Variants in FHIT observed in about 807,000 individuals in gnomAD.
The protein encoded by FHIT is bis(5'-adenosyl)-triphosphatase.
FHIT carries 19 observed loss-of-function variants against 17.9 expected under a neutral mutation model. The observed-to-expected ratio is 1.06, with a 90% CI of 0.74 to 1.56. The LOEUF is 1.56. Ranked by LOEUF, FHIT falls within the 40% of genes most tolerant of loss-of-function variation. The pLI, the probability that FHIT is intolerant of heterozygous loss-of-function variation, is 0.00. For synonymous variants in FHIT, 81 were observed against 69.7 expected, an observed-to-expected ratio of 1.16 and a Z score of -0.81; for missense variants, 248 against 189.2, an observed-to-expected ratio of 1.31 and a Z score of -1.82.
At chr3:61,110,332 T>G (rs1035310407) in intron 2 of FHIT, among the ~76,000 whole-genome samples, 1 of 152,152 alleles carries the variant, frequency 6.6e-6, no homozygotes, top group African/African-American at 2.4e-5. Flanking sequence ...TACTCCAAGG[T>G]GCCATATGGC....
At chr3:60,225,557 A>G (rs530466965) in intron 5 of FHIT, among the ~76,000 whole-genome samples, 4 of 152,324 alleles carry the variant, frequency 2.6e-5, no homozygotes, top group African/African-American at 7.2e-5. Flanking sequence ...GGCAGATACA[A>G]GACAGTCTGC....
intron 5 of FHIT, among the ~76,000 whole-genome samples, chr3:60,276,131 A>G (rs967802214): frequency 6.6e-6 from 1 of 151,622 alleles, no homozygotes; most frequent in Non-Finnish European, 1.5e-5. Flanking sequence ...GGGACTATAG[A>G]TACCCGCCAC....
intron 5 of FHIT, among the ~76,000 whole-genome samples, chr3:60,392,825 T>G (rs539320831): frequency 6.6e-6 from 1 of 152,254 alleles, no homozygotes; most frequent in South Asian, 2.1e-4. Context: ...TGGTCACAAG[T>G]AAAAGTCATG....
At chr3:59,818,577 T>C (rs1700685218) in intron 8 of FHIT, among the ~76,000 whole-genome samples, 1 of 152,202 alleles carries the variant, frequency 6.6e-6, no homozygotes, top group Non-Finnish European at 1.5e-5. Context: ...GGGGGACTTG[T>C]TTACCATTCC....
chr3:59,963,250 G>C (rs1019958660), intron 7 of FHIT, among the ~76,000 whole-genome samples: 8 of 151,898 alleles, frequency 5.3e-5, no homozygotes, highest in African/African-American at 1.7e-4. Context: ...CTGGGTGACA[G>C]AGCGAGACTC....
intron 8 of FHIT, among the ~76,000 whole-genome samples, chr3:59,780,977 A>G (rs1034188876): frequency 5.3e-5 from 8 of 152,330 alleles, no homozygotes; most frequent in African/African-American, 1.9e-4. Context: ...ATGATATAAT[A>G]TAAATATAAT....
intron 3 of FHIT, among the ~76,000 whole-genome samples, chr3:60,837,800 G>T (rs1185531286): frequency 6.6e-6 from 1 of 151,860 alleles, no homozygotes; most frequent in Non-Finnish European, 1.5e-5. Context: ...GGTTTCTCTA[G>T]GTATTACTTT....
chr3:60,389,666 T>C (rs1701146440), intron 5 of FHIT, among the ~76,000 whole-genome samples: 1 of 152,326 alleles, frequency 6.6e-6, no homozygotes. Context: ...ATAAGTGTTA[T>C]ATTTATGTGC....
chr3:60,617,123 G>A (rs987939871), intron 4 of FHIT: 8 of 218,976 alleles, frequency 3.7e-5, no homozygotes, highest in Non-Finnish European at 6.9e-5. Flanking sequence ...ATGTTTCTTC[G>A]TTCCAAAGGA....
intron 5 of FHIT, among the ~76,000 whole-genome samples, chr3:60,276,630 T>C (rs1707150420): frequency 6.6e-6 from 1 of 152,224 alleles, no homozygotes; most frequent in African/African-American, 2.4e-5. Context: ...TTTGCATTAC[T>C]CTAAAGGAAT....
At chr3:60,101,934 C>T (rs1418559954) in intron 5 of FHIT, among the ~76,000 whole-genome samples, 3 of 152,194 alleles carry the variant, frequency 2.0e-5, no homozygotes, top group African/African-American at 4.8e-5. Flanking sequence ...GGATGTCTTT[C>T]TTCCCTTCCT....
At chr3:60,188,060 T>A (rs1215329289) in intron 5 of FHIT, among the ~76,000 whole-genome samples, 1 of 152,100 alleles carries the variant, frequency 6.6e-6, no homozygotes, top group Non-Finnish European at 1.5e-5. Flanking sequence ...CATCATAGAT[T>A]CCAAGCACAT....
intron 5 of FHIT, among the ~76,000 whole-genome samples, chr3:60,276,907 G>A (rs1216208308): frequency 6.6e-6 from 1 of 152,072 alleles, no homozygotes; most frequent in Non-Finnish European, 1.5e-5. Flanking sequence ...TTACTGCAAG[G>A]ATGACACCAA....
intron 4 of FHIT, among the ~76,000 whole-genome samples, chr3:60,588,090 G>C (rs2037963891): frequency 6.6e-6 from 1 of 151,866 alleles, no homozygotes; most frequent in African/African-American, 2.4e-5. Context: ...CTTGCTCTTA[G>C]AGACAAATTA....
chr3:60,478,956 A>G (rs2033477248), intron 5 of FHIT, among the ~76,000 whole-genome samples: 1 of 152,220 alleles, frequency 6.6e-6, no homozygotes, highest in Admixed American at 6.5e-5. Context: ...GATGGGATCC[A>G]GTAAAAGACA....
intron 5 of FHIT, among the ~76,000 whole-genome samples, chr3:60,335,917 A>C (rs1710216273): frequency 6.6e-6 from 1 of 152,134 alleles, no homozygotes. Flanking sequence ...TACCAATTAC[A>C]TTTTTTTCTC....
chr3:60,194,826 G>GA (rs1702550982), intron 5 of FHIT, among the ~76,000 whole-genome samples: 1 of 151,972 alleles, frequency 6.6e-6, no homozygotes, highest in Admixed American at 6.6e-5. Context: ...CACCAAACAT[G>GA]AAAAAAATGC....
chr3:60,974,207 C>T (rs1427341289), intron 3 of FHIT, among the ~76,000 whole-genome samples: 1 of 152,074 alleles, frequency 6.6e-6, no homozygotes, highest in Non-Finnish European at 1.5e-5. Flanking sequence ...CCCATTTTTC[C>T]TCATACAAAA....
chr3:60,574,872 C>T (rs1456882948), intron 4 of FHIT, among the ~76,000 whole-genome samples: 3 of 151,360 alleles, frequency 2.0e-5, no homozygotes, highest in East Asian at 2.0e-4. Context: ...TTAGTTGTTG[C>T]CCCCCACCCC....
Sources: allele counts gnomAD v4.1 joint callset (sites outside exome capture counted in the v4.1 genomes callset), GRCh38; gene constraint gnomAD v4.1.1; transcripts MANE v1.5; gene names NCBI Gene and HGNC (gene_info 2026-07-23, HGNC 2026-07-21).